CDKAL1: variants seen among roughly 807,000 people sequenced by gnomAD.
CDKAL1 encodes the protein threonylcarbamoyladenosine tRNA methylthiotransferase.
A neutral mutation model predicts 68.2 loss-of-function variants in CDKAL1; 32 were observed. That is an observed-to-expected ratio of 0.47 (90% CI 0.35 to 0.63). CDKAL1 has a LOEUF of 0.63. Among genes scored for constraint, CDKAL1 ranks in the 30% least tolerant of loss-of-function variants. The pLI, the probability that CDKAL1 is intolerant of heterozygous loss-of-function variation, is 0.00. For synonymous variants in CDKAL1, 234 were observed against 244.3 expected, an observed-to-expected ratio of 0.96 and a Z score of 0.39; for missense variants, 606 against 696.7, an observed-to-expected ratio of 0.87 and a Z score of 1.47.
rs544075808 is a variant in CDKAL1, at chr6:20,552,540, T to C, written c.286+3835T>C. Among the ~76,000 whole-genome samples, 6 of 152,304 alleles carry C rather than the reference T, an allele frequency of 3.9e-5. No homozygotes were observed. In the East Asian group the frequency reaches 7.7e-4, roughly 20 times the overall value. ...ATGTTTATACAAGAATATTAGGTTT[T>C]GTTTTACACACCTAATTTTGTTTCT... On this transcript the variant is annotated intron_variant, in intron 4 of 15. Transcript: ENST00000274695.
intron 13 of CDKAL1, among the ~76,000 whole-genome samples, chr6:21,153,359 A>C (rs1175117220): frequency 1.3e-5 from 2 of 151,618 alleles, no homozygotes; most frequent in African/African-American, 4.9e-5. Flanking sequence ...ATGCCATTTG[A>C]ATTTAGATTG....
intron 10 of CDKAL1, among the ~76,000 whole-genome samples, chr6:20,970,352 T>C (rs1185454775): frequency 1.3e-5 from 2 of 152,202 alleles, no homozygotes; most frequent in African/African-American, 2.4e-5. Context: ...ATTTGTTTTT[T>C]AATGAACACC....
At chr6:20,844,107 GA>G (rs1431798757) in intron 8 of CDKAL1, among the ~76,000 whole-genome samples, 1 of 152,170 alleles carries the variant, frequency 6.6e-6, no homozygotes, top group Non-Finnish European at 1.5e-5. Context: ...GAACCAGCAG[GA>G]GGATGAAAAA....
At chr6:21,092,883 C>A (rs1773116350) in intron 12 of CDKAL1, among the ~76,000 whole-genome samples, 1 of 145,832 alleles carries the variant, frequency 6.9e-6, no homozygotes, top group Non-Finnish European at 1.5e-5. Flanking sequence ...GGTAAAAATT[C>A]AATAGAATTG....
chr6:21,211,843 T>C (rs1438292296), intron 15 of CDKAL1, among the ~76,000 whole-genome samples: 7 of 152,172 alleles, frequency 4.6e-5, no homozygotes, highest in African/African-American at 1.7e-4. Context: ...TTGTAGTCTC[T>C]ACTTCCCGGG....
intron 6 of CDKAL1, among the ~76,000 whole-genome samples, chr6:20,743,924 A>T (rs62399296): frequency 0.041 from 6,263 of 152,336 alleles, 144 homozygotes; most frequent in Middle Eastern, 0.082. Flanking sequence ...TTCACAAGAT[A>T]TGAAACTATC....
intron 5 of CDKAL1, among the ~76,000 whole-genome samples, chr6:20,676,174 A>G (rs1770085851): frequency 7.9e-6 from 1 of 126,190 alleles, no homozygotes; most frequent in East Asian, 2.3e-4. Context: ...TAAAAAAGTT[A>G]TAGTAAGCTG....
intron 9 of CDKAL1, among the ~76,000 whole-genome samples, chr6:20,863,616 C>G (rs1759759698): frequency 6.6e-6 from 1 of 152,144 alleles, no homozygotes; most frequent in South Asian, 2.1e-4. Flanking sequence ...AAGGAATACC[C>G]AACTAGCACC....
chr6:20,664,720 G>T (rs987052693), intron 5 of CDKAL1, among the ~76,000 whole-genome samples: 1 of 152,030 alleles, frequency 6.6e-6, no homozygotes, highest in African/African-American at 2.4e-5. Context: ...AATAGAACTG[G>T]AGTGTATTCA....
chr6:20,776,105 T>G (rs1241805439), intron 7 of CDKAL1, among the ~76,000 whole-genome samples: 1 of 152,198 alleles, frequency 6.6e-6, no homozygotes, highest in African/African-American at 2.4e-5. Context: ...TTTATTTGCA[T>G]GTAGATAGTG....
At chr6:20,705,612 A>G (rs1317723248) in intron 5 of CDKAL1, among the ~76,000 whole-genome samples, 1 of 152,222 alleles carries the variant, frequency 6.6e-6, no homozygotes, top group Non-Finnish European at 1.5e-5. Context: ...ACTGGGCCTA[A>G]GAAGCTCTTT....
At chr6:20,592,467 G>C (rs922326189) in intron 4 of CDKAL1, among the ~76,000 whole-genome samples, 1 of 138,480 alleles carries the variant, frequency 7.2e-6, no homozygotes, top group African/African-American at 2.7e-5. Context: ...AATGCTTCCA[G>C]CTTTTTTTTT....
intron 13 of CDKAL1, among the ~76,000 whole-genome samples, chr6:21,160,694 T>C (rs1203433225): frequency 4.2e-5 from 6 of 143,470 alleles, no homozygotes. Flanking sequence ...TCCAAAAATA[T>C]ATATATATGT....
chr6:21,012,439 C>T (rs1252609928), intron 11 of CDKAL1, among the ~76,000 whole-genome samples: 1 of 152,178 alleles, frequency 6.6e-6, no homozygotes, highest in Admixed American at 6.5e-5. Flanking sequence ...AGTACATGAT[C>T]TCTGGGTGAT....
chr6:21,063,889 C>G (rs1243833709), intron 11 of CDKAL1, among the ~76,000 whole-genome samples: 1 of 152,022 alleles, frequency 6.6e-6, no homozygotes, highest in Non-Finnish European at 1.5e-5. Flanking sequence ...TATCAGAAAA[C>G]TTCCTCAACC....
intron 4 of CDKAL1, among the ~76,000 whole-genome samples, chr6:20,602,986 C>G (rs80074349): frequency 0.016 from 2,496 of 152,214 alleles, 77 homozygotes; most frequent in African/African-American, 0.057. Flanking sequence ...GATTAAATCT[C>G]AGAAGGGTAT....
chr6:20,896,985 C>T lies in CDKAL1; in HGVS notation c.742+50807C>T, dbSNP rs1421552095. On this transcript the variant is annotated intron_variant, in intron 9 of 15. Transcript: ENST00000274695. ...CTACTTGGACTGCTATTACAAAATG[C>T]CTTCGAATGAGTATAAACAGCATGG... 2.0e-5 allele frequency among the ~76,000 whole-genome samples: 3 copies of T among 152,282 alleles called. No homozygotes were observed. In the East Asian group the frequency reaches 5.8e-4, roughly 29 times the overall value.
chr6:20,810,196 A>G (rs557729051), intron 8 of CDKAL1, among the ~76,000 whole-genome samples: 52 of 152,242 alleles, frequency 3.4e-4, no homozygotes, highest in African/African-American at 9.6e-4. Context: ...TGCAGCAATT[A>G]TCAACTCATG....
intron 4 of CDKAL1, among the ~76,000 whole-genome samples, chr6:20,627,947 C>G (rs1767504826): frequency 6.6e-6 from 1 of 152,046 alleles, no homozygotes; most frequent in Non-Finnish European, 1.5e-5. Flanking sequence ...AATTCTGTGA[C>G]CTTGCAGAAG....
Sources: gnomAD v4.1 joint callset for allele counts (sites outside exome capture counted in the v4.1 genomes callset) on GRCh38, gnomAD v4.1.1 for gene constraint, MANE v1.5 for transcripts, NCBI Gene and HGNC (gene_info 2026-07-23, HGNC 2026-07-21) for gene names.